Variants in SCN2A observed in about 807,000 individuals in gnomAD.
SCN2A encodes sodium voltage-gated channel alpha subunit 2.
SCN2A carries 20 observed loss-of-function variants against 188.7 expected under a neutral mutation model. That is an observed-to-expected ratio of 0.11 (90% confidence interval 0.07 to 0.15). The LOEUF is 0.15. Ranked by LOEUF, SCN2A falls within the 10% of genes least tolerant of loss-of-function variation. SCN2A has a pLI of 1.00. For synonymous variants in SCN2A, 804 were observed against 833.1 expected (o/e 0.97, Z 0.60); for missense variants, 1,278 against 2,445.0 (o/e 0.52, Z 10.07).
chr2:165,368,984 G>A (rs1454365715), intron 19 of SCN2A, among the ~76,000 whole-genome samples: 1 of 151,982 alleles, frequency 6.6e-6, no homozygotes, highest in African/African-American at 2.4e-5. Flanking sequence ...GGAGTGCAGT[G>A]GTGTGATCTC....
chr2:165,259,635 A>G lies in SCN2A; in HGVS notation c.-52+19995A>G, dbSNP rs148867247. Among the ~76,000 whole-genome samples the G allele has an allele frequency of 3.5e-3, 529 of 152,312 alleles. 2 individuals are homozygous for G. Among genetic ancestry groups the G allele is most frequent in the African/African-American group, 0.012 (499 of 41,560 alleles). On this transcript the variant is annotated intron_variant, in intron 1 of 26. Coordinates refer to ENST00000375437, the MANE Select transcript of SCN2A (RefSeq NM_001040142.2). Reference sequence around the variant, plus strand: ...TTCATTCAAGTTTTATCATAAGATTACAGCAATTGAGTCACATTTTCAGGC... The same window carrying G: ...TTCATTCAAGTTTTATCATAAGATTGCAGCAATTGAGTCACATTTTCAGGC...
At chr2:165,325,339 C>T (rs7562474) in intron 12 of SCN2A, among the ~76,000 whole-genome samples, 1,527 of 152,262 alleles carry the variant, frequency 0.01, 17 homozygotes, top group African/African-American at 0.034. Context: ...TTTAATCTTA[C>T]AATCTTAAGT....
At chr2:165,321,332 T>C (rs1368090375) in intron 11 of SCN2A, among the ~76,000 whole-genome samples, 2 of 152,214 alleles carry the variant, frequency 1.3e-5, no homozygotes, top group Admixed American at 1.3e-4. Context: ...TTCCAAACTT[T>C]CTCACATTTT....
chr2:165,374,714 T>C lies in SCN2A; in HGVS notation c.4002T>C (p.Ile1334=). The C allele has an allele frequency of 6.2e-6, 10 of 1,613,486 alleles. No homozygotes were observed. The highest frequency in any genetic ancestry group is 8.5e-6 in the Non-Finnish European group (10 of 1,179,594). ...TTGTAAATGCTCTTTTAGGAGCCAT[T>C]CCATCTATCATGAATGTACTTCTGG... The part of the protein sequence containing the change: ...RVVVNALLGA[I]PSIMNVLLVC... Residue 1334 remains isoleucine (I), a synonymous_variant, in exon 22 of 27, where the codon ATT becomes ATC. Coordinates refer to ENST00000375437, the MANE Select transcript of SCN2A (RefSeq NM_001040142.2).
At chr2:165,345,798 T>C (rs1302119507) in intron 16 of SCN2A, among the ~76,000 whole-genome samples, 1 of 152,232 alleles carries the variant, frequency 6.6e-6, no homozygotes, top group African/African-American at 2.4e-5. Flanking sequence ...GGTTTTTTCA[T>C]AATGTTGATG....
intron 12 of SCN2A, 108 bp downstream of exon 12, chr2:165,323,608 G>C (rs1184945539): frequency 9.4e-7 from 1 of 1,066,120 alleles, no homozygotes; most frequent in Non-Finnish European, 1.4e-6. Flanking sequence ...GTTGCCCAAA[G>C]GCTGGGAGTT....
intron 3 of SCN2A, among the ~76,000 whole-genome samples, chr2:165,304,880 C>T (rs1416759218): frequency 6.6e-6 from 1 of 152,264 alleles, no homozygotes; most frequent in East Asian, 1.9e-4. Flanking sequence ...TGATCATCAT[C>T]CTAAGAGTAA....
intron 14 of SCN2A, among the ~76,000 whole-genome samples, chr2:165,340,976 G>A (rs1203927051): frequency 6.6e-6 from 1 of 152,228 alleles, no homozygotes; most frequent in Non-Finnish European, 1.5e-5. Context: ...GTGTAGACAA[G>A]TATGCAATCT....
intron 3 of SCN2A, among the ~76,000 whole-genome samples, chr2:165,303,281 T>G (rs907815620): frequency 4.2e-5 from 6 of 141,632 alleles, no homozygotes; most frequent in Non-Finnish European, 3.1e-5. Context: ...TTTTTTTTTT[T>G]TTTTTTTTTT....
chr2:165,288,732 ATGTG>A (rs71977859), intron 1 of SCN2A, among the ~76,000 whole-genome samples: 14,339 of 107,538 alleles, frequency 0.13, 918 homozygotes, highest in East Asian at 0.27. Context: ...ATACATATAC[ATGTG>A]TGTGTGTGTG....
chr2:165,259,515 G>A (rs1177107746), intron 1 of SCN2A, among the ~76,000 whole-genome samples: 2 of 152,128 alleles, frequency 1.3e-5, no homozygotes, highest in Non-Finnish European at 1.5e-5. Context: ...TAAATCCTTT[G>A]TTATCATTTC....
At chr2:165,377,456 C>T in intron 22 of SCN2A, 141 bp from the exon 23 acceptor site, 1 of 650,406 alleles carries the variant, frequency 1.5e-6, no homozygotes, top group South Asian at 2.1e-5. Flanking sequence ...CAAAACATTG[C>T]CCCAAAAGTG....
intron 17 of SCN2A, among the ~76,000 whole-genome samples, chr2:165,355,307 A>G (rs1412519328): frequency 6.6e-6 from 1 of 152,184 alleles, no homozygotes; most frequent in East Asian, 1.9e-4. Flanking sequence ...AAAAATCCTT[A>G]ATACATTATA....
intron 17 of SCN2A, among the ~76,000 whole-genome samples, chr2:165,358,942 A>C (rs1248486010): frequency 2.6e-5 from 4 of 152,080 alleles, no homozygotes; most frequent in African/African-American, 9.7e-5. Flanking sequence ...CAAATATTTA[A>C]CCAAAATGCC....
chr2:165,243,178 C>T (rs72872409), intron 1 of SCN2A, among the ~76,000 whole-genome samples: 29,077 of 152,118 alleles, frequency 0.19, 3,342 homozygotes, highest in Non-Finnish European at 0.25. Context: ...TAGGCCAACA[C>T]ATATCTATTA....
At position 165,312,179 on chromosome 2, in the gene SCN2A, C is replaced by T. The variant is rs974198115; in HGVS notation, c.1034+91C>T. The stretch of plus-strand genomic sequence containing the variant: ...CCCACTCATCCAGTCCCACTCACTC[C>T]TCACTCAAAACCCTCCATAAATTCT... On this transcript the variant is annotated intron_variant, in intron 8 of 26. Transcript: ENST00000375437. 27 of 922,318 alleles carry T rather than the reference C, an allele frequency of 2.9e-5. No individual in the cohort carries two copies. In the Admixed American group the frequency reaches 4.4e-4, roughly 15 times the overall value. 57.1% of individuals were successfully genotyped at this position (922,318 alleles called of 1,614,324 possible).
chr2:165,283,616 G>A (rs1021863627), intron 1 of SCN2A, among the ~76,000 whole-genome samples: 14 of 152,100 alleles, frequency 9.2e-5, no homozygotes, highest in Non-Finnish European at 1.6e-4. Flanking sequence ...TATTTGTACT[G>A]GGTCACAAAT....
intron 1 of SCN2A, among the ~76,000 whole-genome samples, chr2:165,248,859 T>C (rs1158097131): frequency 6.6e-6 from 1 of 152,114 alleles, no homozygotes; most frequent in African/African-American, 2.4e-5. Context: ...ATTTATTCCT[T>C]TAAGCATACT....
chr2:165,375,368 AGTGT>A (rs3030660), intron 22 of SCN2A, among the ~76,000 whole-genome samples: 2,105 of 149,790 alleles, frequency 0.014, 43 homozygotes, highest in African/African-American at 0.044. Context: ...GATAAAGAAA[AGTGT>A]GTGTGTGTGT....
Sources: gnomAD v4.1 joint callset for allele counts (sites outside exome capture counted in the v4.1 genomes callset) on GRCh38, gnomAD v4.1.1 for gene constraint, MANE v1.5 for transcripts, NCBI Gene and HGNC (gene_info 2026-07-23, HGNC 2026-07-21) for gene names.